ESR1: variants seen among roughly 807,000 people sequenced by gnomAD.
ESR1 encodes the protein estrogen receptor 1.
In ESR1, 12 loss-of-function variants were observed where a neutral mutation model predicts 52.7. That is an observed-to-expected ratio of 0.23 (90% CI 0.15 to 0.37). The LOEUF (loss-of-function observed/expected upper bound fraction) is 0.37, where lower values mean the gene tolerates loss of function less well. Ranked by LOEUF, ESR1 falls within the 10% of genes least tolerant of loss-of-function variation. ESR1 has a pLI of 1.00. For synonymous variants in ESR1, 305 were observed against 316.8 expected (o/e 0.96, Z 0.39); for missense variants, 584 against 779.7 (o/e 0.75, Z 2.99).
intron 2 of ESR1, among the ~76,000 whole-genome samples, chr6:151,752,686 A>C (rs1322420543): frequency 2.0e-5 from 3 of 152,220 alleles, no homozygotes; most frequent in African/African-American, 7.2e-5. Context: ...TTTTCAACAG[A>C]TAGTACTTAT....
intron 2 of ESR1, among the ~76,000 whole-genome samples, chr6:151,710,023 G>A (rs1397080478): frequency 6.6e-6 from 1 of 151,646 alleles, no homozygotes; most frequent in Admixed American, 6.6e-5. Flanking sequence ...AGGCTCAACT[G>A]CATCTCTTTT....
chr6:151,928,429 G>A (rs2033089931), intron 3 of ESR1, among the ~76,000 whole-genome samples: 1 of 152,120 alleles, frequency 6.6e-6, no homozygotes, highest in African/African-American at 2.4e-5. Context: ...TTAAGTGAGA[G>A]TATTGTTCCA....
intron 1 of ESR1, among the ~76,000 whole-genome samples, chr6:151,840,908 T>C (rs1443795793): frequency 6.6e-6 from 1 of 152,170 alleles, no homozygotes; most frequent in Non-Finnish European, 1.5e-5. Context: ...ACATGCCAGG[T>C]ACTGTGCTGG....
chr6:151,867,451 C>T (rs1266711467), intron 2 of ESR1, among the ~76,000 whole-genome samples: 3 of 143,304 alleles, frequency 2.1e-5, no homozygotes, highest in African/African-American at 5.7e-5. Flanking sequence ...ACAAACAACC[C>T]CATCAAAAAG....
At chr6:152,040,040 A>G (rs1209206105) in intron 5 of ESR1, among the ~76,000 whole-genome samples, 1 of 152,214 alleles carries the variant, frequency 6.6e-6, no homozygotes, top group Non-Finnish European at 1.5e-5. Context: ...GTAAGTGCCC[A>G]TTCCAGTGAA....
At chr6:151,930,154 TG>T (rs59610956) in intron 3 of ESR1, among the ~76,000 whole-genome samples, 88,672 of 151,702 alleles carry the variant, frequency 0.58, 27,153 homozygotes, top group Middle Eastern at 0.75. Flanking sequence ...CGGCTAATTT[TG>T]TATTTTTAGT....
At position 152,094,261 on chromosome 6, in the gene ESR1, C is replaced by G. The variant is rs2050435970; in HGVS notation, c.1370-124C>G. ...GGTTTTAAATGGGTCCAGAGCATCCCCATTGCTAGACTACTGTGCTGAGGA... is the reference window on the plus strand; with the variant it reads ...GGTTTTAAATGGGTCCAGAGCATCCGCATTGCTAGACTACTGTGCTGAGGA... On this transcript the variant is annotated intron_variant, in intron 6 of 7. Transcript: ENST00000206249. This position sits in a 1 kb window ranked among gnomAD's most constrained non-coding sequence, Gnocchi z 4.6. 3.5e-6 allele frequency: 3 copies of G among 848,678 alleles called. No individual in the cohort carries two copies. The highest frequency in any genetic ancestry group is 1.7e-5 in the Admixed American group (1 of 59,002). The allele number at this position is 848,678 out of a possible 1,614,324, so 52.6% of individuals were successfully genotyped here.
Position 151,944,225 on chromosome 6 carries a change from A to T in ESR1, c.813A>T (p.Arg271Ser), listed in dbSNP as rs759559596. The change falls in exon 4 of 8, where the codon AGA (arginine) becomes AGT (serine). Residue 271 changes from arginine to serine, a missense_variant. By Grantham distance (110) the Arg-to-Ser change is moderately radical. Coordinates refer to ENST00000206249, the MANE Select transcript of ESR1 (RefSeq NM_000125.4). ...GGRMLKHKRQ[R>S]DDGEGRGEVG... ...GAATGTTGAAACACAAGCGCCAGAGAGATGATGGGGAGGGCAGGGGTGAAG... is the reference window on the plus strand; with the variant it reads ...GAATGTTGAAACACAAGCGCCAGAGTGATGATGGGGAGGGCAGGGGTGAAG... 1 of 1,614,066 alleles carries T rather than the reference A, an allele frequency of 6.2e-7. No homozygotes were observed. Among genetic ancestry groups the T allele is most frequent in the Non-Finnish European group, 8.5e-7 (1 of 1,179,996 alleles).
At chr6:151,834,775 G>A (rs1406022588) in intron 1 of ESR1, among the ~76,000 whole-genome samples, 1 of 152,116 alleles carries the variant, frequency 6.6e-6, no homozygotes, top group Non-Finnish European at 1.5e-5. Context: ...GTGTGAGAAA[G>A]CCAGGCAGGG....
At chr6:151,849,568 C>A (rs904806292) in intron 2 of ESR1, among the ~76,000 whole-genome samples, 1 of 151,468 alleles carries the variant, frequency 6.6e-6, no homozygotes, top group Non-Finnish European at 1.5e-5. Context: ...TGCTTGAACT[C>A]GGGAGGTGGA....
chr6:151,766,754 G>A (rs907253350), intron 2 of ESR1, among the ~76,000 whole-genome samples: 1 of 152,166 alleles, frequency 6.6e-6, no homozygotes, highest in African/African-American at 2.4e-5. Flanking sequence ...TAGGAAGGGG[G>A]AAAGACTGGG....
At chr6:152,122,330 C>G in intron 6 of ESR1, 1 of 1,589,850 alleles carries the variant, frequency 6.3e-7, no homozygotes. Context: ...GCTGCCACAC[C>G]GAGGGCTTTC....
Position 151,949,253 on chromosome 6 carries a change from G to A in ESR1, c.1096+4745G>A, listed in dbSNP as rs540124021. On this transcript the variant is annotated intron_variant, in intron 4 of 7. Transcript: ENST00000206249. ...TATCTGCAAGTGAGTTTCACTTAGC[G>A]AATGAAATTGGAAACTTAAAGTGGG... is the stretch of plus-strand genomic sequence containing the variant. 2.6e-5 allele frequency among the ~76,000 whole-genome samples: 4 copies of A among 152,314 alleles called. No homozygotes were observed. The South Asian group carries it at 8.3e-4, about 32-fold the overall frequency.
At chr6:151,925,304 C>T (rs951717793) in intron 3 of ESR1, among the ~76,000 whole-genome samples, 9 of 151,986 alleles carry the variant, frequency 5.9e-5, no homozygotes, top group Non-Finnish European at 1.3e-4. Context: ...ATCTTTTGCC[C>T]ATTTTAAAAG....
chr6:151,776,956 G>T (rs918206538), intron 2 of ESR1, among the ~76,000 whole-genome samples: 3 of 151,928 alleles, frequency 2.0e-5, no homozygotes, highest in African/African-American at 7.3e-5. Context: ...GCTAGCAGGC[G>T]GACATTCAGG....
At chr6:151,899,546 C>A (rs1453359474) in intron 3 of ESR1, among the ~76,000 whole-genome samples, 1 of 149,758 alleles carries the variant, frequency 6.7e-6, no homozygotes, top group East Asian at 2.0e-4. Flanking sequence ...CACCTCCCTC[C>A]CGGACGGGGC....
chr6:152,057,694 T>TACAC (rs10560254), intron 5 of ESR1, among the ~76,000 whole-genome samples: 2,040 of 145,800 alleles, frequency 0.014, 22 homozygotes, highest in Middle Eastern at 0.028. Context: ...TACACATGCA[T>TACAC]ACACACACAC....
intron 2 of ESR1, among the ~76,000 whole-genome samples, chr6:151,798,475 C>T (rs919360999): frequency 1.3e-5 from 2 of 152,206 alleles, no homozygotes; most frequent in Non-Finnish European, 2.9e-5. Context: ...CAAAAACCTA[C>T]TGACAAGTGT....
At chr6:152,018,966 A>G (rs1216218491) in intron 5 of ESR1, among the ~76,000 whole-genome samples, 2 of 152,144 alleles carry the variant, frequency 1.3e-5, no homozygotes, top group Non-Finnish European at 2.9e-5. Flanking sequence ...GCTAGTTTCT[A>G]TTTTGACTGT....
Sources: gnomAD v4.1 joint callset for allele counts (sites outside exome capture counted in the v4.1 genomes callset) on GRCh38, gnomAD v4.1.1 for gene constraint, Gnocchi (gnomAD v3.1) non-coding constraint, MANE v1.5 for transcripts, NCBI Gene and HGNC (gene_info 2026-07-23, HGNC 2026-07-21) for gene names.